CTCF: variants seen among roughly 807,000 people sequenced by gnomAD.
CTCF encodes the protein transcriptional repressor CTCF.
In CTCF, 7 loss-of-function variants were observed where a neutral mutation model predicts 72.3. That is an observed-to-expected ratio of 0.10 (90% confidence interval 0.06 to 0.18). The LOEUF is 0.18. Among genes scored for constraint, CTCF ranks in the 10% least tolerant of loss-of-function variants. The probability of loss-of-function intolerance (pLI) is 1.00; values close to 1 mark genes in which losing one functional copy is unlikely to be tolerated. For missense variants in CTCF, 516 were observed against 949.1 expected, an observed-to-expected ratio of 0.54 and a Z score of 6.00; for synonymous variants, 374 against 315.8, an observed-to-expected ratio of 1.18 and a Z score of -1.95.
chr16:67,604,644 A>G (rs2051944998), intron 2 of CTCF, among the ~76,000 whole-genome samples: 1 of 151,930 alleles, frequency 6.6e-6, no homozygotes, highest in African/African-American at 2.4e-5. Flanking sequence ...CCCGGCCAAC[A>G]ATTTTTTAAA....
At chr16:67,631,150 G>GT (rs1472086135) in intron 10 of CTCF, among the ~76,000 whole-genome samples, 9 of 132,530 alleles carry the variant, frequency 6.8e-5, no homozygotes, top group South Asian at 2.4e-4. Flanking sequence ...TTTGTTCTTT[G>GT]TTTGTTTTTT....
chr16:67,570,143 C>T (rs1231564478), intron 1 of CTCF, among the ~76,000 whole-genome samples: 1 of 147,424 alleles, frequency 6.8e-6, no homozygotes, highest in Non-Finnish European at 1.5e-5. Context: ...GTGGCAGGAT[C>T]TCGGCTCACT....
At position 67,638,672 on chromosome 16, in the gene CTCF, T is replaced by C; in HGVS notation, c.*800T>C. The C allele has an allele frequency of 4.3e-6, 1 of 230,616 alleles. No individual in the cohort carries two copies. The highest frequency in any genetic ancestry group is 6.2e-5 in the East Asian group (1 of 16,252). The allele number at this position is 230,616 out of a possible 1,614,324, so 14.3% of individuals were successfully genotyped here. A position where few individuals can be genotyped will look rare whatever the true frequency, so the allele number is the denominator to read the frequency against. Reference sequence around the variant, plus strand: ...GCCCACGGAGCCAGCATTTGAACCTTGTATAATTAACTTTCAGTTATGATT... The same window carrying C: ...GCCCACGGAGCCAGCATTTGAACCTCGTATAATTAACTTTCAGTTATGATT... On this transcript the variant is annotated 3_prime_UTR_variant, in exon 12 of 12. Coordinates refer to ENST00000264010, the MANE Select transcript of CTCF (RefSeq NM_006565.4).
intron 1 of CTCF, chr16:67,570,657 G>C (rs1391827432): frequency 6.6e-6 from 1 of 151,108 alleles, no homozygotes; most frequent in African/African-American, 2.4e-5. Context: ...TAGCCAGGCT[G>C]GTCTCGATCT....
At chr16:67,596,106 G>A (rs1237239535) in intron 2 of CTCF, among the ~76,000 whole-genome samples, 2 of 151,626 alleles carry the variant, frequency 1.3e-5, no homozygotes, top group African/African-American at 4.8e-5. Flanking sequence ...GGTGCACGCC[G>A]CCATGCCCAG....
At chr16:67,616,575 C>G in intron 4 of CTCF, 170 bp from the exon 5 acceptor site, 1 of 680,960 alleles carries the variant, frequency 1.5e-6, no homozygotes, top group Non-Finnish European at 2.6e-6. Flanking sequence ...ATAAATTCAT[C>G]CAGGCCCTCC....
chr16:67,577,824 G>A (rs2051520340), intron 2 of CTCF, among the ~76,000 whole-genome samples: 1 of 152,164 alleles, frequency 6.6e-6, no homozygotes, highest in African/African-American at 2.4e-5. Context: ...AGTAAGGCAG[G>A]AGGAAGCTCC....
chr16:67,567,015 A>G (rs1008206724), intron 1 of CTCF, among the ~76,000 whole-genome samples: 5 of 151,988 alleles, frequency 3.3e-5, no homozygotes, highest in Admixed American at 6.6e-5. Context: ...AGCTGGGACT[A>G]ATTTTTTCTA....
At chr16:67,636,935 G>C in intron 11 of CTCF, 84 bp downstream of exon 11, 1 of 1,241,804 alleles carries the variant, frequency 8.1e-7, no homozygotes, top group Non-Finnish European at 1.1e-6. Flanking sequence ...CTTTGGGGAT[G>C]TGGGAACTAA....
intron 2 of CTCF, chr16:67,572,503 C>T (rs1028692516): frequency 1.3e-5 from 2 of 152,198 alleles, no homozygotes; most frequent in South Asian, 4.1e-4. Flanking sequence ...GGTATGATTT[C>T]GGGGTACTTG....
rs753618418 is a variant in CTCF at position 67,626,540 on chromosome 16, T to C, written c.1358-15T>C. 1.4e-4 allele frequency: 196 copies of C among 1,442,020 alleles called. No individual in the cohort carries two copies. Among genetic ancestry groups the C allele is most frequent in the Non-Finnish European group, 1.8e-4 (192 of 1,087,882 alleles). 89.3% of individuals were successfully genotyped at this position (1,442,020 alleles called of 1,614,324 possible). Reference sequence around the variant, plus strand: ...GTGTTTTCACATTACCCTGGGCTTTTTACTGTGCTTTCAGGTGTCCACTTG... The same window carrying C: ...GTGTTTTCACATTACCCTGGGCTTTCTACTGTGCTTTCAGGTGTCCACTTG... On this transcript the variant is annotated splice_polypyrimidine_tract_variant and intron_variant, in intron 7 of 11. Coordinates refer to ENST00000264010, the MANE Select transcript of CTCF (RefSeq NM_006565.4).
At chr16:67,603,071 C>A (rs1404549552) in intron 2 of CTCF, among the ~76,000 whole-genome samples, 1 of 151,916 alleles carries the variant, frequency 6.6e-6, no homozygotes, top group Admixed American at 6.6e-5. Context: ...TTTAGAGTTT[C>A]ACTGGTTCAA....
chr16:67,622,508 A>T (rs1195606376), intron 7 of CTCF, among the ~76,000 whole-genome samples: 1 of 152,124 alleles, frequency 6.6e-6, no homozygotes, highest in African/African-American at 2.4e-5. Flanking sequence ...ATGATCCCAA[A>T]TGTAGCTGGG....
chr16:67,611,347 A>T lies in CTCF; in HGVS notation c.515A>T (p.Asn172Ile). 2 of 1,614,182 alleles carry T rather than the reference A, an allele frequency of 1.2e-6. No homozygotes were observed. The highest frequency in any genetic ancestry group is 1.7e-6 in the Non-Finnish European group (2 of 1,180,028). The change falls in exon 3 of 12, where the codon AAT (asparagine) becomes ATT (isoleucine). Residue 172 changes from asparagine (N) to isoleucine (I), a missense_variant. Transcript: ENST00000264010. ...TTTCAGGTGGTTAAAGTGGGGGCCA[A>T]TGGAGAGGTGGAGACACTAGAACAA... ...EGFQVVKVGA[N>I]GEVETLEQGE... is the part of the protein sequence containing the mutation.
At chr16:67,565,720 C>T (rs1046526956) in intron 1 of CTCF, among the ~76,000 whole-genome samples, 3 of 150,388 alleles carry the variant, frequency 2.0e-5, no homozygotes, top group East Asian at 1.9e-4. Context: ...TTAACTTTAT[C>T]GGGATCCATT....
chr16:67,619,536 A>T (rs1343623929), intron 5 of CTCF, among the ~76,000 whole-genome samples: 1 of 152,180 alleles, frequency 6.6e-6, no homozygotes, highest in Non-Finnish European at 1.5e-5. Flanking sequence ...TAAATTTTTC[A>T]AAACAAACAT....
chr16:67,610,146 G>C (rs747442812), intron 2 of CTCF, among the ~76,000 whole-genome samples: 7 of 152,102 alleles, frequency 4.6e-5, no homozygotes, highest in Non-Finnish European at 8.8e-5. Flanking sequence ...TATTCTTCTT[G>C]TTATCTATTT....
chr16:67,619,206 C>T (rs1308970659), intron 5 of CTCF, among the ~76,000 whole-genome samples: 1 of 152,158 alleles, frequency 6.6e-6, no homozygotes, highest in Non-Finnish European at 1.5e-5. Flanking sequence ...GAAGCTGAGG[C>T]GGGTTGGTCA....
chr16:67,581,691 TG>T lies in CTCF; in HGVS notation c.-10+10428del, dbSNP rs1474184550. Among the ~76,000 whole-genome samples, 3 of 151,890 alleles carry T rather than the reference TG, an allele frequency of 2.0e-5. No homozygotes were observed. The East Asian group carries it at 5.9e-4, about 30-fold the overall frequency. ...GCTAATCATGTACTTTTAGTAGAGA[TG>T]AGGTTTTATCACGTTGGCCAGGCTG... is the stretch of plus-strand genomic sequence containing the variant. On this transcript the variant is annotated intron_variant, in intron 2 of 11. Coordinates refer to ENST00000264010, the MANE Select transcript of CTCF (RefSeq NM_006565.4).
Sources: gnomAD v4.1 joint callset for allele counts (sites outside exome capture counted in the v4.1 genomes callset) on GRCh38, gnomAD v4.1.1 for gene constraint, MANE v1.5 for transcripts, NCBI Gene and HGNC (gene_info 2026-07-23, HGNC 2026-07-21) for gene names.